BCAP29: variants seen among roughly 807,000 people sequenced by gnomAD.
BCAP29 encodes the protein B cell receptor associated protein 29.
Under a neutral mutation model 31.8 loss-of-function variants are expected in BCAP29, and 34 were observed. The ratio of observed to expected loss-of-function variants is 1.07; its 90% CI spans 0.81 to 1.42. The LOEUF (loss-of-function observed/expected upper bound fraction) is 1.42, where lower values mean the gene tolerates loss of function less well. Ranked by LOEUF, BCAP29 falls within the 40% of genes most tolerant of loss-of-function variation. BCAP29 has a pLI of 0.00. For missense variants in BCAP29, 314 were observed against 269.2 expected, an observed-to-expected ratio of 1.17 and a Z score of -1.16; for synonymous variants, 104 against 91.3, an observed-to-expected ratio of 1.14 and a Z score of -0.79.
intron 7 of BCAP29, chr7:107,613,709 G>T: frequency 6.2e-7 from 1 of 1,612,662 alleles, no homozygotes; most frequent in Non-Finnish European, 8.5e-7. Context: ...GGCAGCATTG[G>T]AAAACAGACT....
chr7:107,611,254 TAAC>T (rs1813076794), intron 6 of BCAP29, among the ~76,000 whole-genome samples: 1 of 152,100 alleles, frequency 6.6e-6, no homozygotes, highest in Non-Finnish European at 1.5e-5. Context: ...ATTCGGACCA[TAAC>T]AACAACATTC....
chr7:107,609,615 T>C (rs1036033166), intron 6 of BCAP29, among the ~76,000 whole-genome samples: 1 of 152,210 alleles, frequency 6.6e-6, no homozygotes, highest in Non-Finnish European at 1.5e-5. Context: ...CCTCACAATA[T>C]AGGCATGTAC....
rs923925403 is a variant in BCAP29 at position 107,610,974 on chromosome 7, G to T, written c.590-2358G>T. Reference sequence around the variant, plus strand: ...TAAACAACAGAAATTTATTTCTCACGGTTCTGGTGGCTAAGAAGTCTGAGA... The same window carrying T: ...TAAACAACAGAAATTTATTTCTCACTGTTCTGGTGGCTAAGAAGTCTGAGA... On this transcript the variant is annotated intron_variant, in intron 6 of 7. Transcript: ENST00000005259. 2.5e-4 allele frequency among the ~76,000 whole-genome samples: 38 copies of T among 152,198 alleles called. No individual in the cohort carries two copies. In the East Asian group the frequency reaches 7.1e-3, roughly 29 times the overall value.
In BCAP29 at chr7:107,594,235, C is replaced by T. The variant is rs79003684; in HGVS notation, c.344+130C>T. 2.5e-3 allele frequency: 2,040 copies of T among 820,640 alleles called. 28 individuals are homozygous for T. The African/African-American group carries it at 0.029, about 12-fold the overall frequency. The allele number at this position is 820,640 out of a possible 1,614,324, so 50.8% of individuals were successfully genotyped here. ...ACAACCTTTCGCTCTGTTGCCCAGG[C>T]TGCAGTGCAGTGGTGCCTTCATAGC... On this transcript the variant is annotated intron_variant, in intron 4 of 7. Coordinates refer to ENST00000005259, the MANE Select transcript of BCAP29 (RefSeq NM_018844.4).
chr7:107,602,964 C>CTTTTTTT (rs34887499), intron 6 of BCAP29, among the ~76,000 whole-genome samples: 297 of 68,116 alleles, frequency 4.4e-3, no homozygotes, highest in East Asian at 5.2e-3. Flanking sequence ...TTCTTTTATT[C>CTTTTTTT]TTTTTTTTTT....
intron 6 of BCAP29, among the ~76,000 whole-genome samples, chr7:107,607,420 A>G (rs1008619616): frequency 6.6e-6 from 1 of 152,124 alleles, no homozygotes; most frequent in East Asian, 1.9e-4. Context: ...ACTTTGTTAT[A>G]GGGAAGACGA....
At chr7:107,583,043 A>G (rs1806986888) in intron 2 of BCAP29, among the ~76,000 whole-genome samples, 1 of 152,102 alleles carries the variant, frequency 6.6e-6, no homozygotes, top group Non-Finnish European at 1.5e-5. Flanking sequence ...GTTTTTTTCA[A>G]GTTGTAAGTG....
In BCAP29 at chr7:107,619,686, G is replaced by A. The variant is rs909168261; in HGVS notation, c.*1323G>A. 1.3e-5 allele frequency: 2 copies of A among 152,100 alleles called. No homozygotes were observed. The highest frequency in any genetic ancestry group is 4.8e-5 in the African/African-American group (2 of 41,438). The allele number at this position is 152,100 out of a possible 1,614,324, so 9.4% of individuals were successfully genotyped here. On this transcript the variant is annotated 3_prime_UTR_variant, in exon 8 of 8. Coordinates refer to ENST00000005259, the MANE Select transcript of BCAP29 (RefSeq NM_018844.4). ...GGGCTGACAACACCATAAATAACAA[G>A]AAAAGGGAGTGCTGAAATAGGAGAG...
chr7:107,600,589 C>G, intron 6 of BCAP29, 84 bp downstream of exon 6: 1 of 713,216 alleles, frequency 1.4e-6, no homozygotes, highest in South Asian at 2.1e-5. Flanking sequence ...TAAAACAAAA[C>G]TAATGCCTAA....
chr7:107,581,071 TAAAAG>T (rs1050175575), intron 2 of BCAP29, among the ~76,000 whole-genome samples: 4 of 152,204 alleles, frequency 2.6e-5, no homozygotes, highest in South Asian at 2.1e-4. Flanking sequence ...TCTTCCCTTC[TAAAAG>T]AAAAGGCGCC....
intron 6 of BCAP29, among the ~76,000 whole-genome samples, chr7:107,602,919 T>C (rs1018942190): frequency 1.3e-5 from 2 of 151,662 alleles, no homozygotes; most frequent in Non-Finnish European, 2.9e-5. Context: ...AAAGGTCTCT[T>C]CCAGGAAAAC....
At chr7:107,612,409 A>G (rs1406398442) in intron 6 of BCAP29, among the ~76,000 whole-genome samples, 2 of 40,124 alleles carry the variant, frequency 5.0e-5, no homozygotes, top group Non-Finnish European at 8.0e-5. Flanking sequence ...ATATATATAT[A>G]TATATATATA....
chr7:107,593,835 C>A, intron 3 of BCAP29, 120 bp from the exon 4 acceptor site: 1 of 921,604 alleles, frequency 1.1e-6, no homozygotes, highest in Non-Finnish European at 1.6e-6. Context: ...ACATAAAGGT[C>A]GCCTCTGCCT....
intron 7 of BCAP29, among the ~76,000 whole-genome samples, chr7:107,616,925 G>C (rs961304630): frequency 5.3e-5 from 8 of 152,102 alleles, no homozygotes; most frequent in Non-Finnish European, 1.2e-4. Context: ...TTTTAGTAGA[G>C]ACAGGGTTTC....
intron 3 of BCAP29, among the ~76,000 whole-genome samples, chr7:107,591,199 A>G (rs76942705): frequency 0.023 from 3,532 of 152,338 alleles, 131 homozygotes; most frequent in African/African-American, 0.08. Context: ...TTCTACGGAC[A>G]TAACACAGTC....
intron 5 of BCAP29, among the ~76,000 whole-genome samples, 169 bp downstream of exon 5, chr7:107,596,171 A>C (rs1429925104): frequency 6.6e-6 from 1 of 152,182 alleles, no homozygotes; most frequent in Non-Finnish European, 1.5e-5. Context: ...TGTTCTTTAG[A>C]AATGCTTGTT....
chr7:107,608,176 G>A (rs1399972900), intron 6 of BCAP29, among the ~76,000 whole-genome samples: 2 of 151,486 alleles, frequency 1.3e-5, no homozygotes, highest in East Asian at 1.9e-4. Flanking sequence ...TCAGAAATGG[G>A]GATCAGTGTG....
chr7:107,589,153 T>C (rs1436239878), intron 3 of BCAP29, among the ~76,000 whole-genome samples: 1 of 152,162 alleles, frequency 6.6e-6, no homozygotes, highest in African/African-American at 2.4e-5. Context: ...CTGTAAACTG[T>C]ACATCAGCAG....
chr7:107,618,448 T>C lies in BCAP29; in HGVS notation c.*85T>C. On this transcript the variant is annotated 3_prime_UTR_variant, in exon 8 of 8. Coordinates refer to ENST00000005259, the MANE Select transcript of BCAP29 (RefSeq NM_018844.4). ...TCTAGAAAATTTAAGTTCAGAAAAA[T>C]GCACTATGACCGGTTCGTAATTTTT... 1 of 1,613,030 alleles carries C rather than the reference T, an allele frequency of 6.2e-7. No individual in the cohort carries two copies. Among genetic ancestry groups the C allele is most frequent in the Non-Finnish European group, 8.5e-7 (1 of 1,179,366 alleles).
Sources: allele counts gnomAD v4.1 joint callset (sites outside exome capture counted in the v4.1 genomes callset), GRCh38; gene constraint gnomAD v4.1.1; transcripts MANE v1.5; gene names NCBI Gene and HGNC (gene_info 2026-07-23, HGNC 2026-07-21).